CLVS1: variants seen among roughly 807,000 people sequenced by gnomAD.
CLVS1 encodes clavesin 1, also known as clavesin-1.
Under a neutral mutation model 33.1 loss-of-function variants are expected in CLVS1, and 10 were observed. That is an observed-to-expected ratio of 0.30 (90% confidence interval 0.19 to 0.51). The LOEUF (loss-of-function observed/expected upper bound fraction) is 0.51, where lower values mean the gene tolerates loss of function less well. Among genes scored for constraint, CLVS1 ranks in the 20% least tolerant of loss-of-function variants. CLVS1 has a pLI of 0.97. For synonymous variants in CLVS1, 163 were observed against 166.1 expected (o/e 0.98, Z 0.14); for missense variants, 343 against 433.4 (o/e 0.79, Z 1.85).
chr8:61,043,167 G>C, the CLVS1 span, among the ~76,000 whole-genome samples: 1 of 152,208 alleles, frequency 6.6e-6, no homozygotes, highest in African/African-American at 2.4e-5. Flanking sequence ...CCAACAGATG[G>C]TCACTTCCCA....
chr8:61,392,812 C>T (rs1186374535), intron 3 of CLVS1, among the ~76,000 whole-genome samples: 1 of 150,614 alleles, frequency 6.6e-6, no homozygotes, highest in Non-Finnish European at 1.5e-5. Flanking sequence ...CACTGCACTC[C>T]AGCCTGGGTG....
At chr8:61,107,835 TTTGGATTTGGTGAAATTG>T (rs1805564597) in intron 1 of CLVS1, among the ~76,000 whole-genome samples, 1 of 152,270 alleles carries the variant, frequency 6.6e-6, no homozygotes, top group Non-Finnish European at 1.5e-5. Flanking sequence ...TGGATTTTCC[TTTGGATTTGGTGAAATTG>T]TGAACCAACA....
chr8:61,115,079 G>C (rs1805693224), intron 1 of CLVS1, among the ~76,000 whole-genome samples: 1 of 152,162 alleles, frequency 6.6e-6, no homozygotes, highest in South Asian at 2.1e-4. Context: ...CCATCTCTTT[G>C]TAGAGGGGAC....
At chr8:61,113,543 C>T (rs907784284) in intron 1 of CLVS1, among the ~76,000 whole-genome samples, 3 of 152,140 alleles carry the variant, frequency 2.0e-5, no homozygotes, top group Admixed American at 2.0e-4. Flanking sequence ...TTGCATTATC[C>T]AGGAAGTAAC....
the CLVS1 span, chr8:60,965,172 G>A: frequency 1.3e-5 from 2 of 152,234 alleles, no homozygotes; most frequent in Non-Finnish European, 2.9e-5. Context: ...TGCTTCTATT[G>A]TGCGTGCCAA....
At chr8:61,018,951 G>A in the CLVS1 span, among the ~76,000 whole-genome samples, 1 of 152,190 alleles carries the variant, frequency 6.6e-6, no homozygotes. Flanking sequence ...CCGTGGTGGA[G>A]GCCAACTGAG....
At chr8:61,383,758 T>C (rs796387660) in intron 3 of CLVS1, among the ~76,000 whole-genome samples, 28 of 152,032 alleles carry the variant, frequency 1.8e-4, no homozygotes, top group African/African-American at 6.8e-4. Context: ...TTTAAATGAG[T>C]TTATCTTTGG....
intron 2 of CLVS1, among the ~76,000 whole-genome samples, chr8:61,233,229 G>A (rs1476508313): frequency 6.6e-6 from 1 of 152,192 alleles, no homozygotes; most frequent in African/African-American, 2.4e-5. Flanking sequence ...TTAAGCAAGA[G>A]TGTGTAATTT....
At chr8:61,216,516 G>A (rs1808090359) in intron 2 of CLVS1, among the ~76,000 whole-genome samples, 1 of 152,200 alleles carries the variant, frequency 6.6e-6, no homozygotes, top group Non-Finnish European at 1.5e-5. Context: ...ACTCCAATGT[G>A]TCTGTGCGTT....
chr8:61,078,576 T>TGAGA (rs1489879779), intron 1 of CLVS1, among the ~76,000 whole-genome samples: 1 of 152,212 alleles, frequency 6.6e-6, no homozygotes, highest in East Asian at 1.9e-4. Context: ...CTCAGAAGCC[T>TGAGA]TCATCTAATT....
At chr8:61,486,222 G>T (rs77601742) in intron 5 of CLVS1, among the ~76,000 whole-genome samples, 1 of 152,194 alleles carries the variant, frequency 6.6e-6, no homozygotes, top group Non-Finnish European at 1.5e-5. Context: ...TACTCAATGG[G>T]ACAGGTGGCA....
At chr8:61,261,531 C>T (rs868011542) in intron 2 of CLVS1, among the ~76,000 whole-genome samples, 1 of 152,084 alleles carries the variant, frequency 6.6e-6, no homozygotes, top group Non-Finnish European at 1.5e-5. Context: ...CCCCACCCCA[C>T]CCCACATTTA....
intron 3 of CLVS1, among the ~76,000 whole-genome samples, chr8:61,410,468 C>A (rs1563540902): frequency 6.6e-6 from 1 of 151,976 alleles, no homozygotes; most frequent in Non-Finnish European, 1.5e-5. Flanking sequence ...AATACAAATC[C>A]ATCTGCTGTG....
At chr8:61,100,371 G>A (rs1245997031) in intron 1 of CLVS1, among the ~76,000 whole-genome samples, 3 of 152,138 alleles carry the variant, frequency 2.0e-5, no homozygotes, top group Admixed American at 1.3e-4. Context: ...TAGTGAATAA[G>A]TCCCAGCACT....
At chr8:61,285,386 G>A (rs1585748345), upstream of CLVS1, among the ~76,000 whole-genome samples, 2 of 152,150 alleles carry the variant, frequency 1.3e-5, no homozygotes, top group Non-Finnish European at 2.9e-5. Flanking sequence ...CATTCAGGAA[G>A]TTCCTTTCCT....
chr8:61,048,804 C>G, the CLVS1 span, among the ~76,000 whole-genome samples: 1 of 152,108 alleles, frequency 6.6e-6, no homozygotes, highest in South Asian at 2.1e-4. Flanking sequence ...CTGCTCTCTC[C>G]CCTCCCCTGC....
chr8:61,162,651 T>C (rs1022534139), intron 2 of CLVS1, among the ~76,000 whole-genome samples: 3 of 152,238 alleles, frequency 2.0e-5, no homozygotes, highest in African/African-American at 7.2e-5. Flanking sequence ...AGTGTATTTT[T>C]AGTATGAGCA....
rs146076682 is a variant in CLVS1 at position 61,214,713 on chromosome 8, G to A, written c.-152+82853G>A. 2.4e-4 allele frequency among the ~76,000 whole-genome samples: 37 copies of A among 152,274 alleles called. No homozygotes were observed. The East Asian group carries it at 5.8e-3, about 24-fold the overall frequency. On this transcript the variant is annotated intron_variant, in intron 2 of 2. Coordinates refer to the CLVS1 transcript ENST00000522621. ...GCAGCCTTAGCAAACTCAGGCATCC[G>A]TCCAACTTTTTGCACCTGATTTCAG...
At chr8:60,965,506 G>T in the CLVS1 span, 2 of 152,378 alleles carry the variant, frequency 1.3e-5, no homozygotes, top group Non-Finnish European at 2.9e-5. Flanking sequence ...CAAAGGAGGG[G>T]GATAGATGAC....
Sources: allele counts gnomAD v4.1 joint callset (sites outside exome capture counted in the v4.1 genomes callset), GRCh38; gene constraint gnomAD v4.1.1; transcripts MANE v1.5; gene names NCBI Gene and HGNC (gene_info 2026-07-23, HGNC 2026-07-21).